Variants in UBAP2 observed in about 807,000 individuals in gnomAD.
UBAP2 encodes the protein ubiquitin-associated protein 2.
UBAP2 carries 75 observed loss-of-function variants against 139.6 expected under a neutral mutation model. The observed-to-expected ratio is 0.54, with a 90% CI of 0.45 to 0.65. UBAP2 has a LOEUF of 0.65. Ranked by LOEUF, UBAP2 falls within the 30% of genes least tolerant of loss-of-function variation. The pLI is 0.00. For missense variants in UBAP2, 1,368 were observed against 1,369.6 expected, an observed-to-expected ratio of 1.00 and a Z score of 0.02; for synonymous variants, 526 against 526.2, an observed-to-expected ratio of 1.00 and a Z score of 0.01.
intron 2 of UBAP2, among the ~76,000 whole-genome samples, chr9:34,000,511 G>A (rs1056739897): frequency 6.6e-6 from 1 of 152,166 alleles, no homozygotes; most frequent in Non-Finnish European, 1.5e-5. Flanking sequence ...GGAACAATCT[G>A]TATCATCTCT....
intron 1 of UBAP2, among the ~76,000 whole-genome samples, chr9:34,028,387 T>TATTTATTTATTTATTTA (rs1205158065): frequency 1.2e-4 from 18 of 151,648 alleles, no homozygotes; most frequent in East Asian, 3.9e-4. Flanking sequence ...TTTATTTATT[T>TATTTATTTATTTATTTA]ATTTATTTTG....
chr9:34,022,757 T>C (rs1315305957), intron 1 of UBAP2, among the ~76,000 whole-genome samples: 2 of 152,062 alleles, frequency 1.3e-5, no homozygotes, highest in Non-Finnish European at 2.9e-5. Flanking sequence ...CTTAAATAAA[T>C]ACATTTTAAG....
At chr9:34,008,942 C>T (rs547771612) in intron 2 of UBAP2, among the ~76,000 whole-genome samples, 2 of 112,876 alleles carry the variant, frequency 1.8e-5, no homozygotes, top group South Asian at 3.1e-4. Flanking sequence ...TCCAGCCTGG[C>T]GACACAGCGA....
At position 33,926,681 on chromosome 9, in the gene UBAP2, A is replaced by T; in HGVS notation, c.2464-17T>A. The T allele has an allele frequency of 6.2e-7, 1 of 1,614,184 alleles. No individual in the cohort carries two copies. Among genetic ancestry groups the T allele is most frequent in the South Asian group, 1.1e-5 (1 of 91,076 alleles). On this transcript the variant is annotated splice_polypyrimidine_tract_variant and intron_variant, in intron 21 of 28. Coordinates refer to ENST00000379238, the MANE Select transcript of UBAP2 (RefSeq NM_001370062.2). ...GCCATAGATCTGTGTGAGAACCAGA[A>T]AGTGTATTTTAGGAACCACATACCA...
rs1823438176 is a variant in UBAP2 at position 34,008,504 on chromosome 9, G to C, written c.99+8546C>G. On this transcript the variant is annotated intron_variant, in intron 2 of 28. Coordinates refer to ENST00000379238, the MANE Select transcript of UBAP2 (RefSeq NM_001370062.2). Reference sequence around the variant, plus strand: ...CAGGCCTGTAATCTCAGCACTTTGGGAGGCTGAGGCAGACGGATCACCTGA... The same window carrying C: ...CAGGCCTGTAATCTCAGCACTTTGGCAGGCTGAGGCAGACGGATCACCTGA... Among the ~76,000 whole-genome samples, 3 of 151,894 alleles carry C rather than the reference G, an allele frequency of 2.0e-5. No homozygotes were observed. The South Asian group carries it at 6.2e-4, about 32-fold the overall frequency.
chr9:34,025,736 G>C (rs1316111582), intron 1 of UBAP2, among the ~76,000 whole-genome samples: 1 of 152,158 alleles, frequency 6.6e-6, no homozygotes, highest in Non-Finnish European at 1.5e-5. Context: ...AAAAAGTTTT[G>C]TTTCCGTTTT....
chr9:33,935,183 T>C (rs1824372430), intron 17 of UBAP2: 1 of 147,400 alleles, frequency 6.8e-6, no homozygotes, highest in Admixed American at 6.8e-5. Flanking sequence ...GGGTCTCATT[T>C]TCTCCCAAAT....
intron 13 of UBAP2, 93 bp from the exon 14 acceptor site, chr9:33,944,732 A>C (rs72727350): frequency 3.6e-6 from 5 of 1,397,960 alleles, no homozygotes; most frequent in East Asian, 2.4e-5. Flanking sequence ...AATTTCTCCA[A>C]ATCATTTCCA....
intron 8 of UBAP2, among the ~76,000 whole-genome samples, chr9:33,969,352 G>C (rs1827717576): frequency 6.6e-6 from 1 of 152,058 alleles, no homozygotes; most frequent in African/African-American, 2.4e-5. Context: ...TTTAAGACCA[G>C]CTTCCACAAC....
At chr9:33,947,876 AGT>A (rs1825770525) in intron 13 of UBAP2, among the ~76,000 whole-genome samples, 1 of 150,878 alleles carries the variant, frequency 6.6e-6, no homozygotes, top group South Asian at 2.1e-4. Flanking sequence ...GGCTGGATAC[AGT>A]GGTGCACATC....
intron 8 of UBAP2, among the ~76,000 whole-genome samples, chr9:33,970,621 A>G (rs560984308): frequency 6.6e-6 from 1 of 151,968 alleles, no homozygotes; most frequent in East Asian, 1.9e-4. Flanking sequence ...CTTAGTATAG[A>G]TGAGGTCTTA....
chr9:34,012,299 G>A (rs1232987973), intron 2 of UBAP2, among the ~76,000 whole-genome samples: 1 of 152,194 alleles, frequency 6.6e-6, no homozygotes, highest in African/African-American at 2.4e-5. Context: ...GGGAGGTCAA[G>A]GCAGGCGGAT....
chr9:33,960,514 G>A (rs936781254), intron 10 of UBAP2, among the ~76,000 whole-genome samples: 4 of 152,132 alleles, frequency 2.6e-5, no homozygotes, highest in Middle Eastern at 3.4e-3. Context: ...AGTGTCTCAC[G>A]CCTATAATCC....
chr9:33,995,889 G>A (rs556893714), intron 4 of UBAP2: 17 of 191,382 alleles, frequency 8.9e-5, no homozygotes, highest in Non-Finnish European at 1.1e-4. Context: ...AATCAGAGGT[G>A]AGGACTGAGA....
At chr9:33,943,661 C>A in intron 14 of UBAP2, 72 bp from the exon 15 acceptor site, 1 of 1,459,966 alleles carries the variant, frequency 6.8e-7, no homozygotes, top group Non-Finnish European at 9.3e-7. Flanking sequence ...ATAACAGAGC[C>A]AAACAAGCAT....
intron 2 of UBAP2, among the ~76,000 whole-genome samples, chr9:34,005,859 A>G (rs1823158860): frequency 6.6e-6 from 1 of 152,258 alleles, no homozygotes; most frequent in Non-Finnish European, 1.5e-5. Flanking sequence ...AAATATGTCA[A>G]TGAAAATACA....
At chr9:34,002,377 CTTTTTT>C (rs33995709) in intron 2 of UBAP2, among the ~76,000 whole-genome samples, 7 of 108,510 alleles carry the variant, frequency 6.5e-5, no homozygotes, top group African/African-American at 2.2e-4. Context: ...TGCATAGGTG[CTTTTTT>C]TTTTTTTTTT....
intron 1 of UBAP2, among the ~76,000 whole-genome samples, chr9:34,040,943 A>G (rs761247294): frequency 1.3e-5 from 2 of 152,190 alleles, no homozygotes; most frequent in Non-Finnish European, 2.9e-5. Context: ...TTACTTAGTA[A>G]AAGTTACACA....
At chr9:33,966,895 A>AT (rs939289922) in intron 8 of UBAP2, among the ~76,000 whole-genome samples, 1 of 151,996 alleles carries the variant, frequency 6.6e-6, no homozygotes, top group Non-Finnish European at 1.5e-5. Flanking sequence ...AACAAATCTA[A>AT]TTTTTTTTAA....
Sources: allele counts gnomAD v4.1 joint callset (sites outside exome capture counted in the v4.1 genomes callset), GRCh38; gene constraint gnomAD v4.1.1; transcripts MANE v1.5; gene names NCBI Gene and HGNC (gene_info 2026-07-23, HGNC 2026-07-21).